TBC1D22A: variants seen among roughly 807,000 people sequenced by gnomAD.
The protein encoded by TBC1D22A is putative GTPase activator.
Under a neutral mutation model 60.2 loss-of-function variants are expected in TBC1D22A, and 38 were observed. The observed-to-expected ratio is 0.63, with a 90% CI of 0.49 to 0.83. TBC1D22A has a LOEUF of 0.83. Among genes scored for constraint, TBC1D22A ranks in the 40% least tolerant of loss-of-function variants. TBC1D22A has a pLI of 0.00. For synonymous variants in TBC1D22A, 302 were observed against 281.7 expected (o/e 1.07, Z -0.72); for missense variants, 628 against 701.0 (o/e 0.90, Z 1.18).
At chr22:46,996,453 A>G (rs1343356474) in intron 9 of TBC1D22A, among the ~76,000 whole-genome samples, 1 of 152,200 alleles carries the variant, frequency 6.6e-6, no homozygotes, top group Non-Finnish European at 1.5e-5. Context: ...CTGCCTCCCG[A>G]TTCTCCTTTC....
At chr22:46,902,432 T>C (rs1602389456) in intron 7 of TBC1D22A, among the ~76,000 whole-genome samples, 1 of 152,256 alleles carries the variant, frequency 6.6e-6, no homozygotes, top group Non-Finnish European at 1.5e-5. Flanking sequence ...ACTAGAACTT[T>C]AGTAGCTAAT....
chr22:47,058,062 G>A (rs745431770), intron 11 of TBC1D22A, among the ~76,000 whole-genome samples: 4 of 152,180 alleles, frequency 2.6e-5, no homozygotes, highest in Non-Finnish European at 5.9e-5. Context: ...AGGATTGCAG[G>A]CCAAGGGACT....
At chr22:46,867,810 A>T (rs1242954928) in intron 4 of TBC1D22A, among the ~76,000 whole-genome samples, 1 of 152,260 alleles carries the variant, frequency 6.6e-6, no homozygotes, top group East Asian at 1.9e-4. Context: ...AGAGACACTT[A>T]AAAGACAGAA....
rs372726151 is a variant in TBC1D22A at position 47,063,200 on chromosome 22, T to G, written c.1329+26002T>G. On this transcript the variant is annotated intron_variant, in intron 11 of 12. Transcript: ENST00000337137. ...GAGCCACAGATGCTCGGATCCCGCCTCCAGGGTTCCCAATCTCATGGGACA... is the reference window on the plus strand; with the variant it reads ...GAGCCACAGATGCTCGGATCCCGCCGCCAGGGTTCCCAATCTCATGGGACA... Among the ~76,000 whole-genome samples the G allele has an allele frequency of 1.4e-4, 22 of 152,144 alleles. No homozygotes were observed. The East Asian group carries it at 2.3e-3, about 16-fold the overall frequency.
At chr22:47,049,737 C>G (rs1456630378) in intron 11 of TBC1D22A, among the ~76,000 whole-genome samples, 1 of 152,186 alleles carries the variant, frequency 6.6e-6, no homozygotes, top group African/African-American at 2.4e-5. Flanking sequence ...GTTTTTGTAG[C>G]TAATGTTTGC....
chr22:46,842,695 C>G (rs1314292174), intron 4 of TBC1D22A, among the ~76,000 whole-genome samples: 1 of 152,276 alleles, frequency 6.6e-6, no homozygotes, highest in Non-Finnish European at 1.5e-5. Context: ...TGTAGAACAT[C>G]AGCCTTACTG....
intron 4 of TBC1D22A, among the ~76,000 whole-genome samples, chr22:46,866,988 C>G (rs1278612280): frequency 1.3e-5 from 2 of 152,194 alleles, no homozygotes; most frequent in African/African-American, 2.4e-5. Flanking sequence ...GGGCTCATTG[C>G]AGGGAGGCTG....
intron 10 of TBC1D22A, among the ~76,000 whole-genome samples, chr22:47,011,336 C>T (rs2061745853): frequency 6.6e-6 from 1 of 152,188 alleles, no homozygotes; most frequent in South Asian, 2.1e-4. Context: ...CCCCGCGCTT[C>T]CTCCTGGGAC....
chr22:47,090,911 G>A (rs1480866554), intron 11 of TBC1D22A, among the ~76,000 whole-genome samples: 11 of 127,044 alleles, frequency 8.7e-5, no homozygotes. Context: ...AGTCGTCTTT[G>A]GGGGGGTGTG....
chr22:47,148,014 G>A (rs2067349611), intron 12 of TBC1D22A, among the ~76,000 whole-genome samples: 1 of 152,234 alleles, frequency 6.6e-6, no homozygotes, highest in Admixed American at 6.5e-5. Flanking sequence ...GACAGTGCCA[G>A]GGAAGAGACT....
intron 8 of TBC1D22A, among the ~76,000 whole-genome samples, chr22:46,966,474 T>C (rs1254038978): frequency 6.6e-6 from 1 of 152,210 alleles, no homozygotes; most frequent in Admixed American, 6.5e-5. Context: ...TTCTCACACA[T>C]AGAAGTGTTT....
intron 8 of TBC1D22A, among the ~76,000 whole-genome samples, chr22:46,966,151 TC>T (rs2073792619): frequency 6.6e-6 from 1 of 152,190 alleles, no homozygotes; most frequent in Non-Finnish European, 1.5e-5. Flanking sequence ...CTTTCTGCCT[TC>T]CTTCCCATCA....
chr22:47,073,684 G>A (rs1434964574), intron 11 of TBC1D22A, among the ~76,000 whole-genome samples: 1 of 152,210 alleles, frequency 6.6e-6, no homozygotes, highest in African/African-American at 2.4e-5. Context: ...GCAGGCAGCA[G>A]GGAGGAAAAC....
chr22:47,025,043 G>C (rs527948204), intron 10 of TBC1D22A, among the ~76,000 whole-genome samples: 1 of 152,308 alleles, frequency 6.6e-6, no homozygotes, highest in South Asian at 2.1e-4. Context: ...ATATGATAGA[G>C]TGGGTCAGTT....
At chr22:46,870,224 GAAC>G (rs1315954518) in intron 4 of TBC1D22A, among the ~76,000 whole-genome samples, 1 of 152,252 alleles carries the variant, frequency 6.6e-6, no homozygotes, top group Non-Finnish European at 1.5e-5. Context: ...GCTGGTCCTT[GAAC>G]CCAGGTGCAC....
At chr22:46,814,237 G>A (rs2085498697) in intron 4 of TBC1D22A, among the ~76,000 whole-genome samples, 1 of 152,224 alleles carries the variant, frequency 6.6e-6, no homozygotes, top group South Asian at 2.1e-4. Context: ...CTATGTGCCA[G>A]GTGTGGGGTG....
intron 10 of TBC1D22A, among the ~76,000 whole-genome samples, chr22:47,021,697 C>T (rs1162136345): frequency 6.6e-6 from 1 of 152,258 alleles, no homozygotes; most frequent in East Asian, 1.9e-4. Context: ...GTGACCCATA[C>T]AGACTCATAA....
intron 8 of TBC1D22A, among the ~76,000 whole-genome samples, chr22:46,942,289 T>C (rs1470744259): frequency 6.6e-6 from 1 of 152,026 alleles, no homozygotes; most frequent in African/African-American, 2.4e-5. Context: ...GAGCAGTAAA[T>C]AGGAAAAAAT....
intron 1 of TBC1D22A, chr22:46,763,446 T>C (rs1216331949): frequency 7.8e-6 from 1 of 128,362 alleles, no homozygotes; most frequent in Admixed American, 8.9e-5. Context: ...TGGAATGACC[T>C]GGGTACACCC....
Sources: allele counts gnomAD v4.1 joint callset (sites outside exome capture counted in the v4.1 genomes callset), GRCh38; gene constraint gnomAD v4.1.1; transcripts MANE v1.5; gene names NCBI Gene and HGNC (gene_info 2026-07-23, HGNC 2026-07-21).